MB21D2: variants seen among roughly 807,000 people sequenced by gnomAD.
MB21D2 encodes the protein Mab-21 domain containing 2.
MB21D2 carries 9 observed loss-of-function variants against 33.3 expected under a neutral mutation model. That is an observed-to-expected ratio of 0.27 (90% confidence interval 0.16 to 0.47). The LOEUF (loss-of-function observed/expected upper bound fraction) is 0.47, where lower values mean the gene tolerates loss of function less well. Among genes scored for constraint, MB21D2 ranks in the 20% least tolerant of loss-of-function variants. The pLI is 0.99. For synonymous variants in MB21D2, 241 were observed against 236.3 expected (o/e 1.02, Z -0.18); for missense variants, 540 against 624.6 (o/e 0.86, Z 1.44).
At chr3:192,899,849 A>C (rs1714056062) in intron 1 of MB21D2, among the ~76,000 whole-genome samples, 1 of 152,210 alleles carries the variant, frequency 6.6e-6, no homozygotes, top group Admixed American at 6.5e-5. Flanking sequence ...GACTGAGAAG[A>C]AGCAGGTTTG....
At chr3:192,819,554 T>G (rs1029455270) in intron 1 of MB21D2, among the ~76,000 whole-genome samples, 3 of 152,290 alleles carry the variant, frequency 2.0e-5, no homozygotes, top group South Asian at 2.1e-4. Flanking sequence ...ATGCTTCTAT[T>G]TGAGGGAAGA....
At chr3:192,819,500 C>G (rs181206299) in intron 1 of MB21D2, among the ~76,000 whole-genome samples, 55 of 152,294 alleles carry the variant, frequency 3.6e-4, no homozygotes, top group African/African-American at 1.3e-3. Flanking sequence ...CTCCCACCCC[C>G]GCTTCGACCA....
intron 1 of MB21D2, among the ~76,000 whole-genome samples, chr3:192,825,043 G>T (rs1474513771): frequency 6.6e-6 from 1 of 152,062 alleles, no homozygotes; most frequent in African/African-American, 2.4e-5. Context: ...ATGTTCTGCC[G>T]TGTACTCTAC....
chr3:192,911,414 C>T (rs1714348279), intron 1 of MB21D2, among the ~76,000 whole-genome samples: 2 of 152,248 alleles, frequency 1.3e-5, no homozygotes, highest in African/African-American at 4.8e-5. Context: ...ATTATCTGCT[C>T]ATTAGGCTCA....
rs150090085 is a variant in MB21D2, at chr3:192,910,974, T to A, written c.211+6656A>T. 9.3e-4 allele frequency among the ~76,000 whole-genome samples: 141 copies of A among 152,330 alleles called. No individual in the cohort carries two copies. In the South Asian group the frequency reaches 0.011, roughly 11 times the overall value. ...ATTGAATGCACCTGAACACATGAAG[T>A]ACATATAATGATTAAGCCCAACTTA... On this transcript the variant is annotated intron_variant, in intron 1 of 1. Transcript: ENST00000392452.
At chr3:192,878,743 C>T (rs1156258515) in intron 1 of MB21D2, among the ~76,000 whole-genome samples, 5 of 152,162 alleles carry the variant, frequency 3.3e-5, no homozygotes, top group South Asian at 2.1e-4. Context: ...GCGAGCGGAT[C>T]GCTTGAGGTC....
intron 1 of MB21D2, among the ~76,000 whole-genome samples, chr3:192,854,425 T>C (rs188425342): frequency 6.0e-4 from 91 of 152,284 alleles, no homozygotes; most frequent in Admixed American, 1.2e-3. Flanking sequence ...GAAGAAAAGT[T>C]TGAAGCTAGC....
intron 1 of MB21D2, among the ~76,000 whole-genome samples, chr3:192,895,552 G>C (rs916397678): frequency 1.3e-5 from 2 of 152,180 alleles, no homozygotes; most frequent in African/African-American, 2.4e-5. Flanking sequence ...TTACAGAGTG[G>C]CTGGAATAAG....
chr3:192,912,048 C>T (rs1225836015), intron 1 of MB21D2, among the ~76,000 whole-genome samples: 1 of 152,148 alleles, frequency 6.6e-6, no homozygotes, highest in Non-Finnish European at 1.5e-5. Context: ...TTCAAAATTA[C>T]CCACTCTGGA....
intron 1 of MB21D2, among the ~76,000 whole-genome samples, chr3:192,828,982 A>G (rs1712254529): frequency 6.6e-6 from 1 of 151,998 alleles, no homozygotes; most frequent in Non-Finnish European, 1.5e-5. Flanking sequence ...GCAGTTCGGT[A>G]AGTTTGGCAA....
intron 1 of MB21D2, among the ~76,000 whole-genome samples, chr3:192,896,525 A>T (rs1713977543): frequency 1.3e-5 from 2 of 152,120 alleles, no homozygotes; most frequent in African/African-American, 4.8e-5. Flanking sequence ...ACTTTCCTTC[A>T]TATTTACTTC....
intron 1 of MB21D2, among the ~76,000 whole-genome samples, chr3:192,832,931 C>G (rs560490450): frequency 6.6e-6 from 1 of 152,240 alleles, no homozygotes; most frequent in African/African-American, 2.4e-5. Context: ...AAAATTTATG[C>G]CCTCAAACAA....
chr3:192,798,699 A>C lies in MB21D2; in HGVS notation c.1163T>G (p.Leu388Arg). 1 of 1,613,448 alleles carries C rather than the reference A, an allele frequency of 6.2e-7. No individual in the cohort carries two copies. Among genetic ancestry groups the C allele is most frequent in the Non-Finnish European group, 8.5e-7 (1 of 1,180,028 alleles). The change falls in exon 2 of 2, where the codon CTG (leucine) becomes CGG (arginine). Residue 388 changes from leucine (L) to arginine (R), a missense_variant. Coordinates refer to ENST00000392452, the MANE Select transcript of MB21D2 (RefSeq NM_178496.4). This position sits in a 1 kb window ranked among gnomAD's most constrained non-coding sequence, Gnocchi z 4.8. ...GTGAAGCATGACTGTCTCCTCAGAC[A>C]GATGTTCCAGCATGTTGCACTGAGG... ...FIPQCNMLEH[L>R]SEETVMLHAR...
chr3:192,874,409 TAC>T (rs1373107790), intron 1 of MB21D2, among the ~76,000 whole-genome samples: 3 of 152,200 alleles, frequency 2.0e-5, no homozygotes, highest in Non-Finnish European at 4.4e-5. Flanking sequence ...CCTAAGCTGA[TAC>T]ACTAATGAAA....
intron 1 of MB21D2, among the ~76,000 whole-genome samples, chr3:192,842,118 T>TA (rs1353494573): frequency 1.3e-5 from 2 of 149,510 alleles, no homozygotes; most frequent in Non-Finnish European, 2.9e-5. Context: ...ATAGCTGTTG[T>TA]AAAACCAGAG....
intron 1 of MB21D2, among the ~76,000 whole-genome samples, chr3:192,829,309 A>G (rs1424863716): frequency 6.6e-6 from 1 of 152,242 alleles, no homozygotes; most frequent in African/African-American, 2.4e-5. Flanking sequence ...TTTTGCTAAT[A>G]TGAATAAAAC....
chr3:192,846,049 A>T lies in MB21D2; in HGVS notation c.212-46399T>A, dbSNP rs77281181. On this transcript the variant is annotated intron_variant, in intron 1 of 1. Coordinates refer to ENST00000392452, the MANE Select transcript of MB21D2 (RefSeq NM_178496.4). ...CAGTGAACCATGATCATGCCACTGT[A>T]CTCCAGCCTGAGACCCTGTCTCAAA... Among the ~76,000 whole-genome samples, 1,500 of 152,260 alleles carry T rather than the reference A, an allele frequency of 9.9e-3. 32 individuals carry two copies. Among genetic ancestry groups the T allele is most frequent in the African/African-American group, 0.034 (1,431 of 41,538 alleles).
At chr3:192,852,214 C>G (rs377245267) in intron 1 of MB21D2, among the ~76,000 whole-genome samples, 2 of 152,206 alleles carry the variant, frequency 1.3e-5, no homozygotes, top group African/African-American at 4.8e-5. Context: ...TCAGAGACAC[C>G]ACTCAGCATG....
rs80329968 is a variant in MB21D2 at position 192,866,367 on chromosome 3, A to G, written c.211+51263T>C. ...TAATTTGCTGGGATTAAAAAAACAA[A>G]AGAACATCAATTAGATTGCGTCTTC... On this transcript the variant is annotated intron_variant, in intron 1 of 1. Transcript: ENST00000392452. Among the ~76,000 whole-genome samples the G allele has an allele frequency of 2.1e-4, 32 of 152,320 alleles. No individual in the cohort carries two copies. In the East Asian group the frequency reaches 6.2e-3, roughly 29 times the overall value.
Sources: gnomAD v4.1 joint callset for allele counts (sites outside exome capture counted in the v4.1 genomes callset) on GRCh38, gnomAD v4.1.1 for gene constraint, Gnocchi (gnomAD v3.1) non-coding constraint, MANE v1.5 for transcripts, NCBI Gene and HGNC (gene_info 2026-07-23, HGNC 2026-07-21) for gene names.